The following PDE6B variants were observed in gnomAD, a reference collection of about 807,000 sequenced individuals.
The protein encoded by PDE6B is rod cGMP-specific 3',5'-cyclic phosphodiesterase subunit beta.
In PDE6B, 106 loss-of-function variants were observed where a neutral mutation model predicts 109.0. The ratio of observed to expected loss-of-function variants is 0.97; its 90% CI spans 0.83 to 1.14. The LOEUF is 1.14. Ranked by LOEUF, PDE6B falls within the 50% of genes most tolerant of loss-of-function variation. The pLI is 0.00. For missense variants in PDE6B, 1,193 were observed against 1,155.6 expected (o/e 1.03, Z -0.47); for synonymous variants, 490 against 471.3 (o/e 1.04, Z -0.51).
chr4:658,225 C>T (rs1043742798), intron 10 of PDE6B, among the ~76,000 whole-genome samples: 4 of 138,940 alleles, frequency 2.9e-5, no homozygotes, highest in African/African-American at 1.1e-4. Flanking sequence ...GGCAGGTCAC[C>T]CAGGGGTCAT....
chr4:634,711 C>G lies in PDE6B; in HGVS notation c.503C>G (p.Thr168Ser). The G allele has an allele frequency of 1.2e-6, 2 of 1,613,118 alleles. No individual in the cohort carries two copies. Among genetic ancestry groups the G allele is most frequent in the East Asian group, 2.2e-5 (1 of 44,870 alleles). ...TTCAGCTCATTTGCTGACGAGCTCA[C>G]TGACTACAAGACAAAGAATATGCTG... ...PHFSSFADEL[T>S]DYKTKNMLAT... Residue 168 changes from threonine (T) to serine (S), a missense_variant, in exon 2 of 22, where the codon ACT becomes AGT. Physicochemically the swap from Thr to Ser is moderately conservative, Grantham distance 58. Coordinates refer to ENST00000496514, the MANE Select transcript of PDE6B (RefSeq NM_000283.4).
rs186522732 is a variant in PDE6B at position 636,680 on chromosome 4, C to T, written c.711+711C>T. ...GACGGCGGTCACCTCCTGCCTTCTC[C>T]GTGTCTTGTTCTGCCTGCGGATGCT... On this transcript the variant is annotated intron_variant, in intron 3 of 21. Transcript: ENST00000496514. The surrounding 1 kb of genome is among the most constrained non-coding windows in gnomAD (Gnocchi z 4.5). Among the ~76,000 whole-genome samples, 465 of 152,294 alleles carry T rather than the reference C, an allele frequency of 3.1e-3. 2 individuals are homozygous for T. Among genetic ancestry groups the T allele is most frequent in the Non-Finnish European group, 4.9e-3 (330 of 68,002 alleles).
rs1348351190 is a variant in PDE6B, at chr4:667,909, C to G, written c.2406C>G (p.Asn802Lys). ...EILPMFDRLQNNRKEWKALAD... is the reference protein window; with the variant it reads ...EILPMFDRLQKNRKEWKALAD... ...TGCCCATGTTCGACCGACTGCAGAA[C>G]AATAGGAAAGAGTGGAAGGCGCTGG... The change falls in exon 21 of 22, where the codon AAC becomes AAG. Residue 802 changes from asparagine (N) to lysine (K), a missense_variant. Transcript: ENST00000496514. 2 of 1,613,442 alleles carry G rather than the reference C, an allele frequency of 1.2e-6. No individual in the cohort carries two copies. The highest frequency in any genetic ancestry group is 2.7e-5 in the African/African-American group (2 of 74,898).
At position 662,071 on chromosome 4, in the gene PDE6B, G is replaced by T; in HGVS notation, c.1615-63G>T. 2 of 787,416 alleles carry T rather than the reference G, an allele frequency of 2.5e-6. No individual in the cohort carries two copies. The highest frequency in any genetic ancestry group is 2.2e-6 in the Non-Finnish European group (1 of 450,078). 48.8% of individuals were successfully genotyped at this position (787,416 alleles called of 1,614,324 possible). A position where few individuals can be genotyped will look rare whatever the true frequency, so the allele number is the denominator to read the frequency against. On this transcript the variant is annotated intron_variant, in intron 12 of 21. Transcript: ENST00000496514. This position sits in a 1 kb window ranked among gnomAD's most constrained non-coding sequence, Gnocchi z 4.3. ...GCTTCCACTGTGAAGTCAGCCACAGGTGCCGCTCTGGCGGGACTTACACGC... is the reference window on the plus strand; with the variant it reads ...GCTTCCACTGTGAAGTCAGCCACAGTTGCCGCTCTGGCGGGACTTACACGC...
rs772078851 is a variant in PDE6B at position 655,923 on chromosome 4, C to T, written c.993-17C>T. ...CAGCCCGGCGTGGCCTATCTGACCC[C>T]TGCTCTCTGCCCACAGCACACCCTC... is the stretch of plus-strand genomic sequence containing the variant. On this transcript the variant is annotated splice_polypyrimidine_tract_variant and intron_variant, in intron 6 of 21. Transcript: ENST00000496514. 31 of 1,575,976 alleles carry T rather than the reference C, an allele frequency of 2.0e-5. No individual in the cohort carries two copies. Among genetic ancestry groups the T allele is most frequent in the Non-Finnish European group, 2.7e-5 (31 of 1,145,658 alleles).
chr4:668,747 C>T (rs1474145214), intron 21 of PDE6B, among the ~76,000 whole-genome samples: 1 of 97,240 alleles, frequency 1.0e-5, no homozygotes, highest in East Asian at 2.5e-4. Context: ...ATGCTATTCC[C>T]CTACCCCATG....
rs376576406 is a variant in PDE6B at position 656,025 on chromosome 4, G to A, written c.1059+19G>A. The A allele has an allele frequency of 4.6e-6, 7 of 1,527,484 alleles. No homozygotes were observed. In the African/African-American group the frequency reaches 9.6e-5, roughly 21 times the overall value. The allele number at this position is 1,527,484 out of a possible 1,614,324, so 94.6% of individuals were successfully genotyped here. ...CGGCTTTGTGAGTCCCGTGCTGTCT[G>A]GAGTCCCCACAGCCTTGCCCTCACT... On this transcript the variant is annotated intron_variant, in intron 7 of 21. Transcript: ENST00000496514.
Position 664,952 on chromosome 4 carries a change from C to G in PDE6B, c.2193+8C>G, listed in dbSNP as rs373237574. 1.2e-6 allele frequency: 2 copies of G among 1,607,496 alleles called. No homozygotes were observed. Among genetic ancestry groups the G allele is most frequent in the African/African-American group, 2.7e-5 (2 of 74,834 alleles). On this transcript the variant is annotated splice_region_variant and intron_variant, in intron 18 of 21. Transcript: ENST00000496514. ...TGGGAAGTCCAGAGCAAGGTTAGAA[C>G]AGAGGGCCCTCCAGACCCAGAGTCA...
intron 3 of PDE6B, 109 bp from the exon 4 acceptor site, chr4:653,743 G>C: frequency 8.0e-7 from 1 of 1,243,844 alleles, no homozygotes; most frequent in Non-Finnish European, 1.2e-6. Flanking sequence ...CAGGTGGTCA[G>C]ATCAGGGAGC....
At chr4:632,117 CAT>C (rs1417401528) in intron 1 of PDE6B, among the ~76,000 whole-genome samples, 4 of 151,912 alleles carry the variant, frequency 2.6e-5, no homozygotes, top group African/African-American at 7.3e-5. Flanking sequence ...CATGTGGCAC[CAT>C]CTGAGGGTCA....
Position 663,409 on chromosome 4 carries a change from C to T in PDE6B, c.1920+222C>T, listed in dbSNP as rs1466267140. 5.3e-5 allele frequency among the ~76,000 whole-genome samples: 8 copies of T among 152,152 alleles called. No individual in the cohort carries two copies. Among genetic ancestry groups the T allele is most frequent in the Admixed American group, 2.0e-4 (3 of 15,284 alleles). Reference sequence around the variant, plus strand: ...GTGGGGAAGACAACTGGAAAGGGCCCCTCATGGGGTGGGGTGGAAGCCGAA... The same window carrying T: ...GTGGGGAAGACAACTGGAAAGGGCCTCTCATGGGGTGGGGTGGAAGCCGAA... On this transcript the variant is annotated intron_variant, in intron 15 of 21. Transcript: ENST00000496514. The surrounding 1 kb of genome is among the most constrained non-coding windows in gnomAD (Gnocchi z 4.0).
rs200389206 is a variant in PDE6B, at chr4:662,245, C to T, written c.1722+4C>T. ...GACGATGTTCACGCTGCTCATGGTA[C>T]GTGGCTGCCAGAATCACCAGGGTTG... On this transcript the variant is annotated splice_donor_region_variant and intron_variant, in intron 13 of 21. Coordinates refer to ENST00000496514, the MANE Select transcript of PDE6B (RefSeq NM_000283.4). This position sits in a 1 kb window ranked among gnomAD's most constrained non-coding sequence, Gnocchi z 4.3. 38 of 1,509,296 alleles carry T rather than the reference C, an allele frequency of 2.5e-5. No individual in the cohort carries two copies. The highest frequency in any genetic ancestry group is 2.1e-4 in the Admixed American group (11 of 51,980). The allele number at this position is 1,509,296 out of a possible 1,614,324, so 93.5% of individuals were successfully genotyped here.
Position 663,178 on chromosome 4 carries a change from C to G in PDE6B, c.1911C>G (p.Leu637=), listed in dbSNP as rs369781800. The stretch of plus-strand genomic sequence containing the variant: ...ACCTGGAGTTTGGGAAGTTCCTGCT[C>G]TCGGAGGAGGTTGGTATACTCACCC... ...RHHLEFGKFL[L]SEETLNIYQN... Residue 637 remains leucine (L), a synonymous_variant, in exon 15 of 22, where the codon CTC becomes CTG. Coordinates refer to ENST00000496514, the MANE Select transcript of PDE6B (RefSeq NM_000283.4). This position sits in a 1 kb window ranked among gnomAD's most constrained non-coding sequence, Gnocchi z 4.0. 6.3e-7 allele frequency: 1 copy of G among 1,592,870 alleles called. No homozygotes were observed. The highest frequency in any genetic ancestry group is 8.6e-7 in the Non-Finnish European group (1 of 1,160,724).
In PDE6B at chr4:667,134, T is replaced by C. The variant is rs1737889704; in HGVS notation, c.2352+520T>C. 2.0e-5 allele frequency among the ~76,000 whole-genome samples: 3 copies of C among 152,162 alleles called. No homozygotes were observed. In the South Asian group the frequency reaches 6.2e-4, roughly 31 times the overall value. On this transcript the variant is annotated intron_variant, in intron 20 of 21. Coordinates refer to ENST00000496514, the MANE Select transcript of PDE6B (RefSeq NM_000283.4). ...AGTCTCTGAGGACGCAAGGCGGACA[T>C]GGAGGGGGAGACTCGATGGGGCAGG...
chr4:661,073 A>T (rs1737048227), intron 12 of PDE6B: 1 of 174,110 alleles, frequency 5.7e-6, no homozygotes, highest in Non-Finnish European at 1.2e-5. Flanking sequence ...ATGGTTGGAT[A>T]AGTGAATGGA....
At chr4:650,820 G>A (rs1466854787) in intron 3 of PDE6B, among the ~76,000 whole-genome samples, 2 of 152,160 alleles carry the variant, frequency 1.3e-5, no homozygotes, top group Admixed American at 6.5e-5. Flanking sequence ...ACAGAGGAAT[G>A]CCCTGAGCCC....
In PDE6B at chr4:666,759, T is replaced by A; in HGVS notation, c.2352+145T>A. 2.9e-6 allele frequency: 2 copies of A among 688,582 alleles called. No homozygotes were observed. Among genetic ancestry groups the A allele is most frequent in the Non-Finnish European group, 5.4e-6 (2 of 369,908 alleles). The allele number at this position is 688,582 out of a possible 1,614,324, so 42.7% of individuals were successfully genotyped here. A position where few individuals can be genotyped will look rare whatever the true frequency, so the allele number is the denominator to read the frequency against. ...GATGCCAGTGCCAGCTTCGTGCCGCTCTTGAGTGGGGCAAATGGGGAGGAA... is the reference window on the plus strand; with the variant it reads ...GATGCCAGTGCCAGCTTCGTGCCGCACTTGAGTGGGGCAAATGGGGAGGAA... On this transcript the variant is annotated intron_variant, in intron 20 of 21. Transcript: ENST00000496514. The surrounding 1 kb of genome is among the most constrained non-coding windows in gnomAD (Gnocchi z 5.6).
intron 3 of PDE6B, among the ~76,000 whole-genome samples, chr4:647,622 G>GC: frequency 6.6e-6 from 1 of 151,960 alleles, no homozygotes; most frequent in East Asian, 1.9e-4. Flanking sequence ...TCTCGTAGGG[G>GC]CCCCAGGCTC....
intron 11 of PDE6B, among the ~76,000 whole-genome samples, chr4:660,058 C>T (rs1736879455): frequency 6.6e-6 from 1 of 151,998 alleles, no homozygotes; most frequent in Non-Finnish European, 1.5e-5. Flanking sequence ...TGTGGGTGTG[C>T]CTGGGTGCTC....
Sources: allele counts gnomAD v4.1 joint callset (sites outside exome capture counted in the v4.1 genomes callset), GRCh38; gene constraint gnomAD v4.1.1; non-coding constraint Gnocchi (gnomAD v3.1); transcripts MANE v1.5; gene names NCBI Gene and HGNC (gene_info 2026-07-23, HGNC 2026-07-21).